STAP1: variants seen among roughly 807,000 people sequenced by gnomAD.
STAP1 encodes the protein signal transducing adaptor family member 1.
Under a neutral mutation model 37.8 loss-of-function variants are expected in STAP1, and 30 were observed. The observed-to-expected ratio is 0.79, with a 90% CI of 0.59 to 1.08. The LOEUF (loss-of-function observed/expected upper bound fraction) is 1.08. Among genes scored for constraint, STAP1 ranks in the 50% least tolerant of loss-of-function variants. The pLI, the probability that STAP1 is intolerant of heterozygous loss-of-function variation, is 0.00. For synonymous variants in STAP1, 130 were observed against 116.0 expected, an observed-to-expected ratio of 1.12 and a Z score of -0.78; for missense variants, 357 against 349.4, an observed-to-expected ratio of 1.02 and a Z score of -0.17.
chr4:67,600,157 A>G (rs1172383929), intron 8 of STAP1, among the ~76,000 whole-genome samples: 1 of 152,044 alleles, frequency 6.6e-6, no homozygotes, highest in East Asian at 1.9e-4. Flanking sequence ...CTTTCCTGTT[A>G]GTACTGCTTT....
At chr4:67,564,353 C>G (rs977406040) in intron 1 of STAP1, among the ~76,000 whole-genome samples, 2 of 152,094 alleles carry the variant, frequency 1.3e-5, no homozygotes, top group Non-Finnish European at 2.9e-5. Flanking sequence ...CCCATTTTTC[C>G]CTATTTAACT....
At chr4:67,578,810 A>G (rs959355689) in intron 4 of STAP1, among the ~76,000 whole-genome samples, 10 of 148,284 alleles carry the variant, frequency 6.7e-5, no homozygotes, top group African/African-American at 2.3e-4. Context: ...GTAACAGAAT[A>G]TAAAATCAAA....
At chr4:67,584,824 G>C (rs1023474861) in intron 6 of STAP1, among the ~76,000 whole-genome samples, 1 of 152,308 alleles carries the variant, frequency 6.6e-6, no homozygotes, top group African/African-American at 2.4e-5. Context: ...ACAGATCATT[G>C]TAGGGACAAG....
chr4:67,583,507 A>C, intron 5 of STAP1, 67 bp from the exon 6 acceptor site: 1 of 1,476,368 alleles, frequency 6.8e-7, no homozygotes. Flanking sequence ...TTTTGGTAGT[A>C]TTTTTTTCAA....
chr4:67,584,047 G>A (rs1055839158), intron 6 of STAP1, among the ~76,000 whole-genome samples: 2 of 141,552 alleles, frequency 1.4e-5, no homozygotes, highest in African/African-American at 5.4e-5. Flanking sequence ...GCAGTGAGCC[G>A]AGATCACACC....
intron 6 of STAP1, among the ~76,000 whole-genome samples, chr4:67,589,117 T>C (rs140390905): frequency 1.4e-3 from 217 of 152,280 alleles, no homozygotes; most frequent in African/African-American, 5.0e-3. Flanking sequence ...CCTTATTTAA[T>C]AGGAATACAG....
At chr4:67,603,440 C>G (rs1728386928) in intron 8 of STAP1, among the ~76,000 whole-genome samples, 3 of 152,030 alleles carry the variant, frequency 2.0e-5, no homozygotes, top group Admixed American at 6.5e-5. Context: ...TTTCCTTAAG[C>G]AAAAGTCTCT....
intron 1 of STAP1, among the ~76,000 whole-genome samples, chr4:67,565,167 A>G (rs1027710081): frequency 6.6e-6 from 1 of 152,216 alleles, no homozygotes; most frequent in African/African-American, 2.4e-5. Flanking sequence ...TTTGTTATGT[A>G]ATTATAGGTC....
intron 5 of STAP1, among the ~76,000 whole-genome samples, chr4:67,582,304 T>A (rs1727879430): frequency 7.6e-6 from 1 of 131,436 alleles, no homozygotes; most frequent in Admixed American, 8.2e-5. Flanking sequence ...CATTTTAGTT[T>A]TTTTTTTGTT....
chr4:67,589,338 G>A (rs1728072623), intron 6 of STAP1, among the ~76,000 whole-genome samples: 1 of 152,150 alleles, frequency 6.6e-6, no homozygotes, highest in African/African-American at 2.4e-5. Flanking sequence ...AAAAGGGTTG[G>A]TTGGGTTTTA....
rs924686690 is a variant in STAP1 at position 67,607,091 on chromosome 4, A to T, written c.*734A>T. ...AAAATAACAGGGATATTTTTTCATA[A>T]TTTTTTTCTTCAAAAGCAAACTTCT... On this transcript the variant is annotated 3_prime_UTR_variant, in exon 9 of 9. Transcript: ENST00000265404. 5 of 152,104 alleles carry T rather than the reference A, an allele frequency of 3.3e-5. No individual in the cohort carries two copies. The highest frequency in any genetic ancestry group is 7.2e-5 in the African/African-American group (3 of 41,436). 9.4% of individuals were successfully genotyped at this position (152,104 alleles called of 1,614,324 possible). A position where few individuals can be genotyped will look rare whatever the true frequency, so the allele number is the denominator to read the frequency against.
At chr4:67,599,438 G>A (rs1023517522) in intron 8 of STAP1, among the ~76,000 whole-genome samples, 7 of 151,986 alleles carry the variant, frequency 4.6e-5, no homozygotes, top group African/African-American at 1.7e-4. Context: ...CATCTTGGTA[G>A]GTTGTATGTG....
intron 1 of STAP1, among the ~76,000 whole-genome samples, chr4:67,567,038 AAGAC>A (rs1727485604): frequency 6.6e-6 from 1 of 152,138 alleles, no homozygotes; most frequent in South Asian, 2.1e-4. Context: ...AAGTGGTAGA[AAGAC>A]AGGTAAAGGG....
At chr4:67,566,516 A>G (rs1041295276) in intron 1 of STAP1, among the ~76,000 whole-genome samples, 2 of 152,188 alleles carry the variant, frequency 1.3e-5, no homozygotes, top group African/African-American at 4.8e-5. Flanking sequence ...GCCACATGGC[A>G]GGGAACAGAG....
chr4:67,593,299 G>C lies in STAP1; in HGVS notation c.769G>C (p.Val257Leu). The C allele has an allele frequency of 1.9e-6, 3 of 1,613,270 alleles. No homozygotes were observed. Among genetic ancestry groups the C allele is most frequent in the Non-Finnish European group, 2.5e-6 (3 of 1,179,666 alleles). The change falls in exon 8 of 9, where the codon GTG becomes CTG. Residue 257 changes from valine to leucine, a missense_variant. By Grantham distance (32) the Val-to-Leu change is conservative. Coordinates refer to ENST00000265404, the MANE Select transcript of STAP1 (RefSeq NM_012108.4). ...PNLFSVIDYF[V>L]KETRGNLRPF... ...CCTTTTCAGTGTCATTGATTATTTT[G>C]TGAAGGAGACTCGAGGAAATTTAAG...
chr4:67,584,974 G>A (rs1402858204), intron 6 of STAP1, among the ~76,000 whole-genome samples: 1 of 152,176 alleles, frequency 6.6e-6, no homozygotes, highest in East Asian at 1.9e-4. Flanking sequence ...GATAAAGTCA[G>A]TAACACTTAA....
At chr4:67,592,052 G>T (rs575833954) in intron 7 of STAP1, among the ~76,000 whole-genome samples, 1 of 152,158 alleles carries the variant, frequency 6.6e-6, no homozygotes, top group East Asian at 1.9e-4. Context: ...AAAACTAACA[G>T]CCTGGATTAT....
chr4:67,599,999 T>A (rs1728306730), intron 8 of STAP1, among the ~76,000 whole-genome samples: 1 of 152,138 alleles, frequency 6.6e-6, no homozygotes, highest in Admixed American at 6.5e-5. Flanking sequence ...AAATTTAAAT[T>A]TCATTTATTT....
At chr4:67,570,632 A>T (rs1230457381) in intron 1 of STAP1, among the ~76,000 whole-genome samples, 3 of 151,912 alleles carry the variant, frequency 2.0e-5, no homozygotes, top group African/African-American at 7.3e-5. Flanking sequence ...ACTACGCTCC[A>T]GCCTGGGTAA....
Sources: allele counts gnomAD v4.1 joint callset (sites outside exome capture counted in the v4.1 genomes callset), GRCh38; gene constraint gnomAD v4.1.1; transcripts MANE v1.5; gene names NCBI Gene and HGNC (gene_info 2026-07-23, HGNC 2026-07-21).